Variants in LRP8 observed in about 807,000 individuals in gnomAD.
The protein encoded by LRP8 is LDL receptor related protein 8, also known as low-density lipoprotein receptor-related protein 8.
Under a neutral mutation model 111.6 loss-of-function variants are expected in LRP8, and 46 were observed. The observed-to-expected ratio is 0.41, with a 90% CI of 0.33 to 0.53. The LOEUF (loss-of-function observed/expected upper bound fraction) is 0.53, where lower values mean the gene tolerates loss of function less well. LRP8 is among the 20% of genes least tolerant of loss of function. LRP8 has a pLI of 0.20. For missense variants in LRP8, 959 were observed against 1,297.4 expected (o/e 0.74, Z 4.01); for synonymous variants, 464 against 511.2 (o/e 0.91, Z 1.24).
chr1:53,275,718 C>T lies in LRP8; in HGVS notation c.919G>A (p.Gly307Arg), dbSNP rs763212003. 8.1e-6 allele frequency: 13 copies of T among 1,614,078 alleles called. No homozygotes were observed. The highest frequency in any genetic ancestry group is 1.1e-5 in the Non-Finnish European group (13 of 1,179,984). The stretch of plus-strand genomic sequence containing the variant: ...ATTGCAAGGACACATGTCCCATCCC[C>T]ACACTGGAACTCGTCCCCACGGCAG... ...GTCRGDEFQCGDGTCVLAIKH... is the reference protein window; with the variant it reads ...GTCRGDEFQCRDGTCVLAIKH... The change falls in exon 6 of 19, where the codon GGG (glycine) becomes AGG (arginine). Residue 307 changes from glycine (G) to arginine (R), a missense_variant. This residue lies in a region of LRP8 where 819 missense variants were observed against 1,097.6 expected (regional missense o/e 0.75). Coordinates refer to ENST00000306052, the MANE Select transcript of LRP8 (RefSeq NM_004631.5). The surrounding 1 kb of genome is among the most constrained non-coding windows in gnomAD (Gnocchi z 4.4).
chr1:53,314,671 G>T (rs1479560728), intron 2 of LRP8, among the ~76,000 whole-genome samples: 1 of 152,212 alleles, frequency 6.6e-6, no homozygotes, highest in African/African-American at 2.4e-5. Context: ...TGCTTCGTCA[G>T]TGGGTGAGCG....
Position 53,245,707 on chromosome 1 carries a change from A to G in LRP8, c.*1311T>C, listed in dbSNP as rs1404157331. ...TAAGCCAAAAATTAGTTTCATCTAT[A>G]TGAACATATGATGGTAAGTAACCTA... On this transcript the variant is annotated 3_prime_UTR_variant, in exon 19 of 19. Coordinates refer to ENST00000306052, the MANE Select transcript of LRP8 (RefSeq NM_004631.5). 6.6e-6 allele frequency: 1 copy of G among 152,650 alleles called. No homozygotes were observed. The highest frequency in any genetic ancestry group is 1.5e-5 in the Non-Finnish European group (1 of 68,048). 9.5% of individuals were successfully genotyped at this position (152,650 alleles called of 1,614,324 possible).
rs1419527003 is a variant in LRP8, at chr1:53,242,739, T to C, written c.*4279A>G. The C allele has an allele frequency of 6.6e-6, 1 of 151,522 alleles. No homozygotes were observed. Among genetic ancestry groups the C allele is most frequent in the African/African-American group, 2.4e-5 (1 of 41,242 alleles). 9.4% of individuals were successfully genotyped at this position (151,522 alleles called of 1,614,324 possible). A position where few individuals can be genotyped will look rare whatever the true frequency, so the allele number is the denominator to read the frequency against. On this transcript the variant is annotated 3_prime_UTR_variant, in exon 19 of 19. Coordinates refer to ENST00000306052, the MANE Select transcript of LRP8 (RefSeq NM_004631.5). ...ACCCCCAAATTAACAACAGCTTGTA[T>C]GGAAAAAAAAATGCTCTTTTAAAAG...
At chr1:53,321,233 G>A (rs971218428) in intron 2 of LRP8, among the ~76,000 whole-genome samples, 2 of 152,206 alleles carry the variant, frequency 1.3e-5, no homozygotes, top group Non-Finnish European at 2.9e-5. Flanking sequence ...GGGCCTGAGG[G>A]GCTGGAGGAC....
At chr1:53,278,755 CT>C (rs139298983) in intron 4 of LRP8, among the ~76,000 whole-genome samples, 9,150 of 135,612 alleles carry the variant, frequency 0.067, 459 homozygotes, top group East Asian at 0.26. Flanking sequence ...ATGGGAAGTG[CT>C]TTTTTTTTTT....
At chr1:53,274,232 C>T (rs1646847375) in intron 6 of LRP8, among the ~76,000 whole-genome samples, 1 of 152,252 alleles carries the variant, frequency 6.6e-6, no homozygotes, top group South Asian at 2.1e-4. Context: ...GCCTGCCTTA[C>T]TCCCACACAG....
intron 2 of LRP8, among the ~76,000 whole-genome samples, chr1:53,320,705 G>A (rs746849716): frequency 1.3e-5 from 2 of 152,152 alleles, no homozygotes; most frequent in Non-Finnish European, 2.9e-5. Context: ...AGGGCTCTGC[G>A]GGGTCTCCAG....
chr1:53,246,973 GCATGGGACTGAATTC>G lies in LRP8; in HGVS notation c.*30_*44del. 1 of 1,567,008 alleles carries G rather than the reference GCATGGGACTGAATTC, an allele frequency of 6.4e-7. No individual in the cohort carries two copies. Among genetic ancestry groups the G allele is most frequent in the South Asian group, 1.1e-5 (1 of 88,478 alleles). On this transcript the variant is annotated 3_prime_UTR_variant, in exon 19 of 19. Coordinates refer to ENST00000306052, the MANE Select transcript of LRP8 (RefSeq NM_004631.5). ...AGTCATACACCATCCAGAGTGTAGT[GCATGGGACTGAATTC>G]CATGAGGCACGAAGGGGGTGATCCC...
intron 2 of LRP8, among the ~76,000 whole-genome samples, chr1:53,290,358 C>A (rs1352392642): frequency 1.3e-5 from 2 of 152,102 alleles, no homozygotes; most frequent in East Asian, 3.9e-4. Context: ...TCTGAGCCTA[C>A]ATTTTCTTAT....
rs148191370 is a variant in LRP8 at position 53,251,903 on chromosome 1, A to G, written c.2504-1041T>C. Among the ~76,000 whole-genome samples the G allele has an allele frequency of 4.7e-3, 712 of 152,024 alleles. 15 individuals are homozygous for G. The highest frequency in any genetic ancestry group is 0.037 in the East Asian group (192 of 5,140). The stretch of plus-strand genomic sequence containing the variant: ...TACAAAAAATACAAAGTAGTTGGGC[A>G]TGGTGGCGGGCACCTGTAGTCCCAG... On this transcript the variant is annotated intron_variant, in intron 16 of 18. Coordinates refer to ENST00000306052, the MANE Select transcript of LRP8 (RefSeq NM_004631.5).
rs767549817 is a variant in LRP8 at position 53,250,740 on chromosome 1, C to A, written c.2626G>T (p.Asp876Tyr). 4 of 1,613,900 alleles carry A rather than the reference C, an allele frequency of 2.5e-6. No individual in the cohort carries two copies. The highest frequency in any genetic ancestry group is 2.2e-5 in the East Asian group (1 of 44,878). Residue 876 changes from aspartate (D) to tyrosine (Y), a missense_variant, in exon 17 of 19, where the codon GAT becomes TAT. Asp to Tyr is a radical substitution (Grantham distance 160). Coordinates refer to ENST00000306052, the MANE Select transcript of LRP8 (RefSeq NM_004631.5). This position sits in a 1 kb window ranked among gnomAD's most constrained non-coding sequence, Gnocchi z 4.6. ...YRKTTEEEDE[D>Y]ELHIGRTAQI... The stretch of plus-strand genomic sequence containing the variant: ...GCAGTTCTCCCTATATGGAGCTCAT[C>A]TTCGTCTTCTTCTTCTGTTGTTTTC...
intron 3 of LRP8, 136 bp downstream of exon 3, chr1:53,289,430 CT>C: frequency 8.3e-7 from 1 of 1,203,854 alleles, no homozygotes; most frequent in Non-Finnish European, 1.1e-6. Flanking sequence ...CTAAATATAT[CT>C]GTTTACCAGG....
At chr1:53,298,289 C>T (rs370266280) in intron 2 of LRP8, among the ~76,000 whole-genome samples, 21 of 152,138 alleles carry the variant, frequency 1.4e-4, no homozygotes, top group African/African-American at 5.1e-4. Context: ...CCGACAAAGG[C>T]GTCTTCCTGT....
At position 53,326,885 on chromosome 1, in the gene LRP8, C is replaced by G. The variant is rs1472731006; in HGVS notation, c.232G>C (p.Glu78Gln). ...EDDDCLDHSD[E>Q]DDCPKKTCAD... ...GCCCGCCACTCACGGCAGTCGTCCT[C>G]GTCGCTGTGGTCTAAGCAGTCATCG... Residue 78 changes from glutamate (E) to glutamine (Q), a missense_variant, in exon 2 of 19, where the codon GAG becomes CAG. Around this residue, in one of 3 missense-constraint regions of LRP8, gnomAD observed 97 missense variants for 107.5 expected, o/e 0.90. Coordinates refer to ENST00000306052, the MANE Select transcript of LRP8 (RefSeq NM_004631.5). The G allele has an allele frequency of 6.2e-7, 1 of 1,612,990 alleles. No individual in the cohort carries two copies. The highest frequency in any genetic ancestry group is 1.7e-5 in the Admixed American group (1 of 59,932).
intron 4 of LRP8, among the ~76,000 whole-genome samples, chr1:53,277,694 A>G (rs574547976): frequency 6.6e-6 from 1 of 152,200 alleles, no homozygotes; most frequent in African/African-American, 2.4e-5. Context: ...ACATTTTGCA[A>G]TGATGAGCTC....
Position 53,271,069 on chromosome 1 carries a change from C to G in LRP8, c.1211G>C (p.Gly404Ala). 1 of 1,613,984 alleles carries G rather than the reference C, an allele frequency of 6.2e-7. No homozygotes were observed. Among genetic ancestry groups the G allele is most frequent in the Non-Finnish European group, 8.5e-7 (1 of 1,180,006 alleles). ...KGYFKCECYPGYEMDLLTKNC... is the reference protein window; with the variant it reads ...KGYFKCECYPAYEMDLLTKNC... ...CTTGGTCAGTAGGTCCATCTCGTAG[C>G]CAGGGTAGCACTCACACTTAAAATA... The change falls in exon 8 of 19, where the codon GGC (glycine) becomes GCC (alanine). Residue 404 changes from glycine to alanine, a missense_variant. Around this residue, in one of 3 missense-constraint regions of LRP8, gnomAD observed 819 missense variants for 1,097.6 expected, o/e 0.75. Transcript: ENST00000306052.
intron 2 of LRP8, among the ~76,000 whole-genome samples, chr1:53,295,105 C>G (rs978954710): frequency 6.6e-6 from 1 of 152,182 alleles, no homozygotes; most frequent in East Asian, 1.9e-4. Flanking sequence ...CACTTGAACC[C>G]AGGTAATGAC....
At chr1:53,315,968 G>C (rs1653738328) in intron 2 of LRP8, among the ~76,000 whole-genome samples, 1 of 151,960 alleles carries the variant, frequency 6.6e-6, no homozygotes, top group African/African-American at 2.4e-5. Context: ...GGCATGGTGG[G>C]GGAGGTGGCA....
At position 53,271,060 on chromosome 1, in the gene LRP8, A is replaced by G. The variant is rs202146131; in HGVS notation, c.1220T>C (p.Met407Thr). ...CTTGCAGTTCTTGGTCAGTAGGTCC[A>G]TCTCGTAGCCAGGGTAGCACTCACA... Reference protein sequence around the residue: ...FKCECYPGYEMDLLTKNCKAA... With the variant: ...FKCECYPGYETDLLTKNCKAA... The change falls in exon 8 of 19, where the codon ATG becomes ACG. Residue 407 changes from methionine (M) to threonine (T), a missense_variant. By Grantham distance (81) the Met-to-Thr change is moderately conservative. Around this residue, in one of 3 missense-constraint regions of LRP8, gnomAD observed 819 missense variants for 1,097.6 expected, o/e 0.75. Coordinates refer to ENST00000306052, the MANE Select transcript of LRP8 (RefSeq NM_004631.5). 97 of 1,612,776 alleles carry G rather than the reference A, an allele frequency of 6.0e-5. No homozygotes were observed. The highest frequency in any genetic ancestry group is 2.7e-5 in the African/African-American group (2 of 74,442).
Sources: gnomAD v4.1 joint callset for allele counts (sites outside exome capture counted in the v4.1 genomes callset) on GRCh38, gnomAD v4.1.1 for gene constraint, gnomAD v4.1.1 regional missense constraint, Gnocchi (gnomAD v3.1) non-coding constraint, MANE v1.5 for transcripts, NCBI Gene and HGNC (gene_info 2026-07-23, HGNC 2026-07-21) for gene names.